The following ARHGAP6 variants were observed in gnomAD, a reference collection of about 807,000 sequenced individuals.
ARHGAP6 encodes Rho GTPase activating protein 6.
In ARHGAP6, 16 loss-of-function variants were observed where a neutral mutation model predicts 55.7. That is an observed-to-expected ratio of 0.29 (90% CI 0.19 to 0.44). ARHGAP6 has a LOEUF of 0.44. Among genes scored for constraint, ARHGAP6 ranks in the 20% least tolerant of loss-of-function variants. The probability of loss-of-function intolerance (pLI) is 1.00; values close to 1 mark genes in which losing one functional copy is unlikely to be tolerated. For synonymous variants in ARHGAP6, 382 were observed against 360.9 expected (o/e 1.06, Z -0.66); for missense variants, 698 against 808.9 (o/e 0.86, Z 1.66).
At chrX:11,631,881 T>G (rs1199210511) in intron 1 of ARHGAP6, among the ~76,000 whole-genome samples, 2 of 111,840 alleles carry the variant, frequency 1.8e-5, no homozygotes, top group Non-Finnish European at 3.8e-5. Flanking sequence ...GTTTTGATTT[T>G]TTCCACCATT....
rs114651373 is a variant in ARHGAP6 at position 11,583,954 on chromosome X, G to A, written c.588+80287C>T. Among the ~76,000 whole-genome samples, 838 of 112,054 alleles carry A rather than the reference G, an allele frequency of 7.5e-3. 8 individuals are homozygous for A. Among genetic ancestry groups the A allele is most frequent in the African/African-American group, 0.026 (793 of 30,905 alleles). ...GAGCAAGGCAAAGATGCCTAAAATT[G>A]ACATTGTACCAGAAGTCTTCAGCAA... On this transcript the variant is annotated intron_variant, in intron 1 of 12. Coordinates refer to ENST00000337414, the MANE Select transcript of ARHGAP6 (RefSeq NM_013427.3).
At chrX:11,281,413 T>A (rs2047853668) in intron 1 of ARHGAP6, among the ~76,000 whole-genome samples, 2 of 109,417 alleles carry the variant, frequency 1.8e-5, no homozygotes, top group East Asian at 2.8e-4. Context: ...TCTACCAAAA[T>A]ATATATATTA....
chrX:11,539,311 T>C (rs987214949), intron 1 of ARHGAP6, among the ~76,000 whole-genome samples: 2 of 112,375 alleles, frequency 1.8e-5, no homozygotes, highest in Non-Finnish European at 3.8e-5. Context: ...TCTAACAATT[T>C]ATCATTCAAC....
At chrX:11,552,403 G>A (rs2051274988) in intron 1 of ARHGAP6, among the ~76,000 whole-genome samples, 1 of 104,964 alleles carries the variant, frequency 9.5e-6, no homozygotes, top group African/African-American at 3.5e-5. Context: ...ATATAATCCA[G>A]CAATCCCACT....
intron 1 of ARHGAP6, among the ~76,000 whole-genome samples, chrX:11,633,476 T>C (rs1157247835): frequency 8.9e-6 from 1 of 111,939 alleles, no homozygotes; most frequent in African/African-American, 3.2e-5. Flanking sequence ...TGACCTGCCA[T>C]GATGGGTCAT....
chrX:11,587,334 T>C lies in ARHGAP6; in HGVS notation c.588+76907A>G, dbSNP rs765637232. Among the ~76,000 whole-genome samples the C allele has an allele frequency of 1.6e-4, 18 of 111,990 alleles. No homozygotes were observed. The South Asian group carries it at 4.1e-3, about 26-fold the overall frequency. Reference sequence around the variant, plus strand: ...TTGTCATAGGTGGCTGTTATTATTTTGAGGTATCTATATAATTTTTAAAGC... The same window carrying C: ...TTGTCATAGGTGGCTGTTATTATTTCGAGGTATCTATATAATTTTTAAAGC... On this transcript the variant is annotated intron_variant, in intron 1 of 12. Transcript: ENST00000337414.
At chrX:11,198,847 C>G (rs182251035) in intron 2 of ARHGAP6, among the ~76,000 whole-genome samples, 1 of 112,434 alleles carries the variant, frequency 8.9e-6, no homozygotes, top group East Asian at 2.8e-4. Flanking sequence ...CAAGTTAAGA[C>G]GTAGACTATT....
chrX:11,196,908 G>A lies in ARHGAP6; in HGVS notation c.820+17C>T. On this transcript the variant is annotated intron_variant, in intron 3 of 12. Transcript: ENST00000337414. The stretch of plus-strand genomic sequence containing the variant: ...CTCCATGGAAGATGCATTTACATTG[G>A]GTACTTTACCCTTTACCTTTGTCTT... 5.4e-6 allele frequency: 5 copies of A among 932,429 alleles called. No individual in the cohort carries two copies. The highest frequency in any genetic ancestry group is 7.7e-6 in the Non-Finnish European group (5 of 645,232). 76.8% of individuals were successfully genotyped at this position (932,429 alleles called of 1,213,427 possible).
At chrX:11,340,710 A>C (rs111427624) in intron 1 of ARHGAP6, among the ~76,000 whole-genome samples, 2,058 of 104,098 alleles carry the variant, frequency 0.02, 69 homozygotes, top group Middle Eastern at 0.045. Context: ...GCCTGGGAGA[A>C]AGAGTGAGAC....
At chrX:11,237,736 T>A (rs753041759) in intron 2 of ARHGAP6, among the ~76,000 whole-genome samples, 1 of 111,959 alleles carries the variant, frequency 8.9e-6, no homozygotes, top group South Asian at 3.7e-4. Context: ...AGCAAACCAA[T>A]GAAATTCATA....
intron 1 of ARHGAP6, among the ~76,000 whole-genome samples, chrX:11,306,230 C>T (rs2048236944): frequency 1.8e-5 from 2 of 112,455 alleles, no homozygotes; most frequent in Admixed American, 9.4e-5. Context: ...AAACCTCTCT[C>T]GCTAGTCCAC....
chrX:11,585,185 T>C (rs1349465137), intron 1 of ARHGAP6, among the ~76,000 whole-genome samples: 1 of 112,534 alleles, frequency 8.9e-6, no homozygotes, highest in Non-Finnish European at 1.9e-5. Flanking sequence ...CTATCATTTA[T>C]GGTCATTTAG....
At chrX:11,197,752 G>A (rs2046559996) in intron 2 of ARHGAP6, among the ~76,000 whole-genome samples, 1 of 112,220 alleles carries the variant, frequency 8.9e-6, no homozygotes, top group African/African-American at 3.2e-5. Context: ...TGTACTTAAT[G>A]TGTCTGCTTA....
intron 1 of ARHGAP6, among the ~76,000 whole-genome samples, chrX:11,358,651 T>C (rs1033897838): frequency 9.1e-6 from 1 of 110,496 alleles, no homozygotes; most frequent in Non-Finnish European, 1.9e-5. Context: ...AGCTAATTTT[T>C]TGTATTTTTT....
chrX:11,162,337 C>CCT (rs1555962297), intron 9 of ARHGAP6, among the ~76,000 whole-genome samples: 3 of 92,809 alleles, frequency 3.2e-5, no homozygotes, highest in Non-Finnish European at 6.5e-5. Context: ...AACTGTGCCC[C>CCT]CCCCCCCATA....
intron 1 of ARHGAP6, among the ~76,000 whole-genome samples, chrX:11,590,069 G>A (rs1287473311): frequency 9.0e-6 from 1 of 111,226 alleles, no homozygotes; most frequent in African/African-American, 3.3e-5. Flanking sequence ...GGAGAATAAG[G>A]GAAAACACAA....
chrX:11,407,682 T>C (rs1269040082), intron 1 of ARHGAP6, among the ~76,000 whole-genome samples: 1 of 112,146 alleles, frequency 8.9e-6, no homozygotes, highest in Non-Finnish European at 1.9e-5. Flanking sequence ...TCATCATTAC[T>C]ATCCTGGTGG....
chrX:11,633,065 C>G (rs2052378126), intron 1 of ARHGAP6, among the ~76,000 whole-genome samples: 1 of 111,745 alleles, frequency 8.9e-6, no homozygotes, highest in Admixed American at 9.5e-5. Flanking sequence ...GGACTCCACC[C>G]AAAACTACAC....
intron 1 of ARHGAP6, among the ~76,000 whole-genome samples, chrX:11,631,166 T>C (rs1356435367): frequency 9.0e-6 from 1 of 111,514 alleles, no homozygotes; most frequent in Non-Finnish European, 1.9e-5. Context: ...TCTTGTGCAA[T>C]GTCTGTGTTG....
Sources: allele counts gnomAD v4.1 joint callset (sites outside exome capture counted in the v4.1 genomes callset), GRCh38; gene constraint gnomAD v4.1.1; transcripts MANE v1.5; gene names NCBI Gene and HGNC (gene_info 2026-07-23, HGNC 2026-07-21).